The following DGKB variants were observed in gnomAD, a reference collection of about 807,000 sequenced individuals.
DGKB encodes 90 kDa diacylglycerol kinase.
In DGKB, 67 loss-of-function variants were observed where a neutral mutation model predicts 114.3. The ratio of observed to expected loss-of-function variants is 0.59; its 90% CI spans 0.48 to 0.72. The LOEUF is 0.72. Among genes scored for constraint, DGKB ranks in the 30% least tolerant of loss-of-function variants. The probability of loss-of-function intolerance (pLI) is 0.00; values close to 1 mark genes in which losing one functional copy is unlikely to be tolerated. For missense variants in DGKB, 907 were observed against 975.2 expected (o/e 0.93, Z 0.93); for synonymous variants, 398 against 323.1 (o/e 1.23, Z -2.49).
At chr7:14,485,506 G>T (rs1348382747) in intron 20 of DGKB, among the ~76,000 whole-genome samples, 1 of 152,082 alleles carries the variant, frequency 6.6e-6, no homozygotes, top group East Asian at 1.9e-4. Context: ...AGAAATACAT[G>T]ATTGAGAGCA....
chr7:14,896,206 GC>G (rs1782074751), intron 1 of DGKB, among the ~76,000 whole-genome samples: 1 of 151,632 alleles, frequency 6.6e-6, no homozygotes, highest in Non-Finnish European at 1.5e-5. Flanking sequence ...AAGGATGATA[GC>G]TATGACTATG....
intron 21 of DGKB, among the ~76,000 whole-genome samples, chr7:14,349,379 A>T (rs1002101008): frequency 2.6e-5 from 4 of 152,156 alleles, no homozygotes; most frequent in African/African-American, 4.8e-5. Flanking sequence ...TTGAAAATTT[A>T]AAAAATATAT....
chr7:14,748,334 C>A (rs1364118450), intron 4 of DGKB, among the ~76,000 whole-genome samples: 1 of 152,114 alleles, frequency 6.6e-6, no homozygotes, highest in Non-Finnish European at 1.5e-5. Context: ...AAAAAGATTT[C>A]TTGGGGGAAT....
chr7:14,789,896 T>C (rs1452927822), intron 2 of DGKB, among the ~76,000 whole-genome samples: 1 of 152,198 alleles, frequency 6.6e-6, no homozygotes, highest in African/African-American at 2.4e-5. Flanking sequence ...AAAACCATTT[T>C]GAATTCCCAC....
chr7:14,228,817 A>G (rs768066974), intron 23 of DGKB, among the ~76,000 whole-genome samples: 51 of 151,932 alleles, frequency 3.4e-4, no homozygotes, highest in Non-Finnish European at 6.0e-4. Context: ...TTTCTGTCTC[A>G]AAACTCATTA....
At chr7:14,684,843 C>T (rs921091221) in intron 10 of DGKB, among the ~76,000 whole-genome samples, 49 of 151,736 alleles carry the variant, frequency 3.2e-4, no homozygotes, top group Non-Finnish European at 6.8e-4. Flanking sequence ...ACAAAATACC[C>T]AAAGGAATCA....
At chr7:14,826,083 C>T (rs60557254) in intron 2 of DGKB, among the ~76,000 whole-genome samples, 66,248 of 152,014 alleles carry the variant, frequency 0.44, 15,387 homozygotes, top group South Asian at 0.62. Context: ...GGGGCTTGCA[C>T]GAAGTAGCAG....
chr7:14,629,007 A>G (rs1298840130), intron 14 of DGKB, among the ~76,000 whole-genome samples: 4 of 152,124 alleles, frequency 2.6e-5, no homozygotes, highest in Admixed American at 2.6e-4. Flanking sequence ...AAATTATATA[A>G]CTGAATGCAT....
chr7:14,645,213 T>C (rs1407441257), intron 13 of DGKB, among the ~76,000 whole-genome samples: 1 of 152,152 alleles, frequency 6.6e-6, no homozygotes. Flanking sequence ...TCCTCTCTCA[T>C]TGCCGAGAGC....
At chr7:14,851,296 T>C (rs1245225976) in intron 1 of DGKB, among the ~76,000 whole-genome samples, 1 of 152,198 alleles carries the variant, frequency 6.6e-6, no homozygotes, top group Non-Finnish European at 1.5e-5. Flanking sequence ...TAGCAAGCTT[T>C]GTACTGTGTA....
chr7:14,919,062 G>GCACACACACACACACACACACACACACA (rs767285844), intron 1 of DGKB, among the ~76,000 whole-genome samples: 1 of 118,064 alleles, frequency 8.5e-6, no homozygotes, highest in Admixed American at 8.7e-5. Flanking sequence ...TCCACCACAC[G>GCACACACACACACACACACACACACACA]CACACACACA....
intron 4 of DGKB, among the ~76,000 whole-genome samples, chr7:14,741,064 T>A (rs1037597356): frequency 2.0e-5 from 3 of 152,154 alleles, no homozygotes; most frequent in Non-Finnish European, 4.4e-5. Flanking sequence ...AAAAAATGCC[T>A]TCTTTGTCCC....
chr7:14,356,264 C>T (rs1242183792), intron 21 of DGKB, among the ~76,000 whole-genome samples: 1 of 149,826 alleles, frequency 6.7e-6, no homozygotes, highest in Admixed American at 6.6e-5. Context: ...GGTTTTTTGA[C>T]TCTCTATCTC....
At chr7:14,966,317 T>C (rs1052608373) in intron 1 of DGKB, among the ~76,000 whole-genome samples, 1 of 152,022 alleles carries the variant, frequency 6.6e-6, no homozygotes, top group Non-Finnish European at 1.5e-5. Flanking sequence ...AATAAAAACT[T>C]ACTAAATAAT....
chr7:14,177,554 C>CAAAAAAAAAAAAAAAAAAAAAAAAAAA (rs56019837), intron 24 of DGKB, among the ~76,000 whole-genome samples: 75 of 69,032 alleles, frequency 1.1e-3, no homozygotes, highest in Admixed American at 2.1e-3. Flanking sequence ...AACTCCGTCT[C>CAAAAAAAAAAAAAAAAAAAAAAAAAAA]AAAAAAAAAA....
intron 15 of DGKB, among the ~76,000 whole-genome samples, chr7:14,617,306 T>G (rs1351895148): frequency 1.3e-5 from 2 of 151,782 alleles, no homozygotes; most frequent in Non-Finnish European, 3.0e-5. Context: ...GGCAATTTCA[T>G]CATTTCAGTT....
intron 1 of DGKB, among the ~76,000 whole-genome samples, chr7:14,864,121 G>C (rs1398118053): frequency 6.7e-6 from 1 of 149,630 alleles, no homozygotes; most frequent in African/African-American, 2.5e-5. Context: ...AAAAAAAAGG[G>C]AACATTGACA....
chr7:14,852,517 A>G (rs1031904119), intron 1 of DGKB, among the ~76,000 whole-genome samples: 42 of 145,160 alleles, frequency 2.9e-4, no homozygotes, highest in South Asian at 1.1e-3. Flanking sequence ...AGCATAGTAC[A>G]CTGGAAAAAG....
At chr7:14,177,974 A>T in intron 24 of DGKB, 57 bp downstream of exon 24, 3 of 1,475,588 alleles carry the variant, frequency 2.0e-6, no homozygotes, top group Admixed American at 2.6e-5. Context: ...CATACTTTTA[A>T]TTAGTTTGAG....
Sources: allele counts gnomAD v4.1 joint callset (sites outside exome capture counted in the v4.1 genomes callset), GRCh38; gene constraint gnomAD v4.1.1; transcripts MANE v1.5; gene names NCBI Gene and HGNC (gene_info 2026-07-23, HGNC 2026-07-21).